The following KIAA1217 variants were observed in gnomAD, a reference collection of about 807,000 sequenced individuals.
KIAA1217 encodes KIAA1217.
In KIAA1217, 88 loss-of-function variants were observed where a neutral mutation model predicts 163.9. The ratio of observed to expected loss-of-function variants is 0.54; its 90% CI spans 0.45 to 0.64. KIAA1217 has a LOEUF of 0.64. Among genes scored for constraint, KIAA1217 ranks in the 30% least tolerant of loss-of-function variants. The pLI is 0.00. For missense variants in KIAA1217, 2,372 were observed against 2,475.0 expected (o/e 0.96, Z 0.88); for synonymous variants, 903 against 923.1 (o/e 0.98, Z 0.39).
chr10:23,712,009 G>C (rs1837288709), intron 1 of KIAA1217, among the ~76,000 whole-genome samples: 1 of 152,128 alleles, frequency 6.6e-6, no homozygotes. Flanking sequence ...CCTGTCTGCA[G>C]ACATTGTCAG....
chr10:24,204,497 A>G (rs1388355437), upstream of KIAA1217, among the ~76,000 whole-genome samples: 3 of 152,116 alleles, frequency 2.0e-5, no homozygotes, highest in African/African-American at 7.2e-5. Context: ...TTATTGTTTC[A>G]GATTCTTTTA....
At chr10:24,022,843 A>T (rs11819060) in intron 2 of KIAA1217, among the ~76,000 whole-genome samples, 2 of 151,708 alleles carry the variant, frequency 1.3e-5, no homozygotes, top group Non-Finnish European at 3.0e-5. Flanking sequence ...AAGATTCAAA[A>T]ATAAAAGTAT....
intron 2 of KIAA1217, among the ~76,000 whole-genome samples, chr10:24,063,032 G>A (rs1390898179): frequency 6.6e-6 from 1 of 151,960 alleles, no homozygotes; most frequent in African/African-American, 2.4e-5. Context: ...GTAGATTCTG[G>A]ATATTAGCCC....
chr10:24,520,658 A>G (rs1292937350), intron 11 of KIAA1217, among the ~76,000 whole-genome samples: 1 of 84,200 alleles, frequency 1.2e-5, no homozygotes, highest in Non-Finnish European at 2.1e-5. Context: ...AAAAATATAT[A>G]TATATATATA....
chr10:24,103,209 C>G (rs1313543420), intron 2 of KIAA1217, among the ~76,000 whole-genome samples: 1 of 152,084 alleles, frequency 6.6e-6, no homozygotes, highest in Non-Finnish European at 1.5e-5. Context: ...CTAGACAACA[C>G]ATACAATAAA....
At chr10:24,178,036 C>T (rs1004962379) in intron 2 of KIAA1217, among the ~76,000 whole-genome samples, 45 of 152,004 alleles carry the variant, frequency 3.0e-4, no homozygotes, top group African/African-American at 6.5e-4. Flanking sequence ...AGAGTAACAC[C>T]GATGTACAGC....
At chr10:24,261,672 G>A (rs1465335993) in intron 2 of KIAA1217, among the ~76,000 whole-genome samples, 1 of 152,158 alleles carries the variant, frequency 6.6e-6, no homozygotes, top group Non-Finnish European at 1.5e-5. Context: ...ATGGGGGCAT[G>A]TGGGTGATCC....
In KIAA1217 at chr10:24,545,102, A is replaced by C; in HGVS notation, c.5333A>C (p.Gln1778Pro). 1 of 1,614,190 alleles carries C rather than the reference A, an allele frequency of 6.2e-7. No individual in the cohort carries two copies. The highest frequency in any genetic ancestry group is 8.5e-7 in the Non-Finnish European group (1 of 1,180,012). ...CTGCAGGATCCCCGCCAATATCGTC[A>C]GGTAGTTTTACCTTAAACCCACTTT... Reference protein sequence around the residue: ...SKLQDPRQYRQANGSAKKSGG... With the variant: ...SKLQDPRQYRPANGSAKKSGG... Residue 1778 changes from glutamine to proline, a missense_variant and splice_region_variant, in exon 20 of 21, where the codon CAG becomes CCG. Physicochemically the swap from Gln to Pro is moderately conservative, Grantham distance 76. Coordinates refer to ENST00000376454, the MANE Select transcript of KIAA1217 (RefSeq NM_019590.5).
At chr10:23,973,103 G>A (rs992519914) in intron 1 of KIAA1217, among the ~76,000 whole-genome samples, 1 of 152,156 alleles carries the variant, frequency 6.6e-6, no homozygotes, top group Non-Finnish European at 1.5e-5. Context: ...CATTTGAAAA[G>A]CCATCTTTGA....
At chr10:23,957,749 C>A (rs774800446) in intron 1 of KIAA1217, among the ~76,000 whole-genome samples, 1 of 152,100 alleles carries the variant, frequency 6.6e-6, no homozygotes, top group Non-Finnish European at 1.5e-5. Flanking sequence ...TAACTCCCAA[C>A]CAACTTTTCC....
chr10:24,154,398 G>A (rs1353637104), intron 2 of KIAA1217, among the ~76,000 whole-genome samples: 2 of 152,088 alleles, frequency 1.3e-5, no homozygotes, highest in Non-Finnish European at 2.9e-5. Context: ...CTGCACTCCA[G>A]CCTGGCTGAC....
intron 2 of KIAA1217, among the ~76,000 whole-genome samples, chr10:24,333,020 G>C (rs1167641682): frequency 2.0e-5 from 3 of 151,952 alleles, no homozygotes; most frequent in Non-Finnish European, 4.4e-5. Context: ...GTACTGTTTT[G>C]TGTGTGTGTG....
chr10:23,935,889 A>G (rs1006397409), intron 1 of KIAA1217, among the ~76,000 whole-genome samples: 6 of 152,234 alleles, frequency 3.9e-5, no homozygotes, highest in Non-Finnish European at 8.8e-5. Flanking sequence ...TCAGGGTCCC[A>G]ACAGAAAACA....
chr10:23,779,197 G>A (rs907045987), intron 1 of KIAA1217, among the ~76,000 whole-genome samples: 2 of 152,104 alleles, frequency 1.3e-5, no homozygotes, highest in South Asian at 2.1e-4. Flanking sequence ...ATAGTGGATC[G>A]CTAGAATTAG....
intron 2 of KIAA1217, among the ~76,000 whole-genome samples, chr10:24,189,349 T>G (rs2066603514): frequency 1.3e-5 from 2 of 152,120 alleles, no homozygotes; most frequent in African/African-American, 4.8e-5. Context: ...CTAAAAATGC[T>G]TCGAAAATAT....
intron 2 of KIAA1217, among the ~76,000 whole-genome samples, chr10:24,345,117 T>C (rs1212305581): frequency 6.6e-6 from 1 of 152,186 alleles, no homozygotes; most frequent in Non-Finnish European, 1.5e-5. Context: ...AAAGCTTTTT[T>C]CAATCCAACT....
At chr10:24,109,729 A>G (rs1361558946) in intron 2 of KIAA1217, among the ~76,000 whole-genome samples, 3 of 152,242 alleles carry the variant, frequency 2.0e-5, no homozygotes, top group Non-Finnish European at 4.4e-5. Flanking sequence ...TAAGAAGTCA[A>G]TGTTTGGGGG....
intron 1 of KIAA1217, among the ~76,000 whole-genome samples, chr10:23,934,575 A>ATGTGTGTTTGTGTGTATG (rs1420302818): frequency 1.5e-5 from 1 of 65,966 alleles, no homozygotes; most frequent in African/African-American, 1.3e-4. Flanking sequence ...ATATATATAT[A>ATGTGTGTTTGTGTGTATG]TATATATATA....
intron 1 of KIAA1217, among the ~76,000 whole-genome samples, chr10:23,786,149 G>C (rs1035637510): frequency 6.6e-6 from 1 of 152,104 alleles, no homozygotes; most frequent in African/African-American, 2.4e-5. Flanking sequence ...GAGCAACAGA[G>C]GTACAGGGGG....
Sources: allele counts gnomAD v4.1 joint callset (sites outside exome capture counted in the v4.1 genomes callset), GRCh38; gene constraint gnomAD v4.1.1; transcripts MANE v1.5; gene names NCBI Gene and HGNC (gene_info 2026-07-23, HGNC 2026-07-21).